Variants in PTPRO observed in about 807,000 individuals in gnomAD.
PTPRO encodes the protein protein tyrosine phosphatase receptor type O.
Under a neutral mutation model 145.2 loss-of-function variants are expected in PTPRO, and 62 were observed. The ratio of observed to expected loss-of-function variants is 0.43; its 90% CI spans 0.35 to 0.53. PTPRO has a LOEUF of 0.53. PTPRO is among the 20% of genes least tolerant of loss of function. PTPRO has a pLI of 0.01. For missense variants in PTPRO, 1,345 were observed against 1,482.7 expected (o/e 0.91, Z 1.53); for synonymous variants, 565 against 514.7 (o/e 1.10, Z -1.32).
chr12:15,376,930 T>A (rs1938706855), intron 1 of PTPRO, among the ~76,000 whole-genome samples: 1 of 152,310 alleles, frequency 6.6e-6, no homozygotes, highest in East Asian at 1.9e-4. Context: ...AGAAAAAGTT[T>A]AACTGTAATT....
chr12:15,510,241 T>C (rs893711333), intron 7 of PTPRO, among the ~76,000 whole-genome samples: 1 of 152,170 alleles, frequency 6.6e-6, no homozygotes, highest in Non-Finnish European at 1.5e-5. Flanking sequence ...TAGAAAGCCA[T>C]AGAATGCTTG....
Position 15,322,930 on chromosome 12 carries a change from G to C in PTPRO, c.75+129G>C. 3.5e-6 allele frequency: 3 copies of C among 859,028 alleles called. No individual in the cohort carries two copies. The highest frequency in any genetic ancestry group is 3.5e-5 in the South Asian group (2 of 56,624). The allele number at this position is 859,028 out of a possible 1,614,324, so 53.2% of individuals were successfully genotyped here. A position where few individuals can be genotyped will look rare whatever the true frequency, so the allele number is the denominator to read the frequency against. On this transcript the variant is annotated intron_variant, in intron 1 of 26. Transcript: ENST00000281171. The surrounding 1 kb of genome is among the most constrained non-coding windows in gnomAD (Gnocchi z 6.3). ...CCCAGCCGCGGGAAGCGCCTGCCGT[G>C]CAGCCTGGGCGCACGCTTTGTTGTC... is the stretch of plus-strand genomic sequence containing the variant.
intron 1 of PTPRO, among the ~76,000 whole-genome samples, chr12:15,324,603 T>G (rs919601897): frequency 6.6e-6 from 1 of 152,200 alleles, no homozygotes; most frequent in East Asian, 1.9e-4. Context: ...GCCATTTAAA[T>G]AATAATTATT....
At position 15,597,221 on chromosome 12, in the gene PTPRO, T is replaced by C. The variant is rs1329507541; in HGVS notation, c.*1148T>C. On this transcript the variant is annotated 3_prime_UTR_variant, in exon 27 of 27. Coordinates refer to ENST00000281171, the MANE Select transcript of PTPRO (RefSeq NM_030667.3). ...TTTTATTCTTTGGATTTTGTATAAT[T>C]ACAGTACATGATTGTGTATTGTGAC... 6.6e-6 allele frequency: 1 copy of C among 152,238 alleles called. No individual in the cohort carries two copies. Among genetic ancestry groups the C allele is most frequent in the Non-Finnish European group, 1.5e-5 (1 of 68,038 alleles). The allele number at this position is 152,238 out of a possible 1,614,324, so 9.4% of individuals were successfully genotyped here. A position where few individuals can be genotyped will look rare whatever the true frequency, so the allele number is the denominator to read the frequency against.
intron 8 of PTPRO, among the ~76,000 whole-genome samples, chr12:15,516,212 G>A (rs566372059): frequency 3.3e-5 from 5 of 149,592 alleles, no homozygotes; most frequent in East Asian, 2.0e-4. Flanking sequence ...GGATGGTCTC[G>A]ATCTGACCTC....
At chr12:15,371,734 T>C (rs1938537086) in intron 1 of PTPRO, among the ~76,000 whole-genome samples, 1 of 152,134 alleles carries the variant, frequency 6.6e-6, no homozygotes, top group South Asian at 2.1e-4. Context: ...ATAATCCCCA[T>C]GTGTTAAGAG....
chr12:15,562,817 C>T (rs908466838), intron 17 of PTPRO, among the ~76,000 whole-genome samples: 1 of 150,982 alleles, frequency 6.6e-6, no homozygotes, highest in African/African-American at 2.4e-5. Flanking sequence ...CAATCCTAGG[C>T]AGTTGGCATT....
intron 1 of PTPRO, among the ~76,000 whole-genome samples, chr12:15,386,396 A>G (rs2136280905): frequency 6.6e-6 from 1 of 152,340 alleles, no homozygotes; most frequent in East Asian, 1.9e-4. Flanking sequence ...TATTAAATGG[A>G]GCAGTTAACC....
chr12:15,332,440 T>C (rs1208263615), intron 1 of PTPRO, among the ~76,000 whole-genome samples: 1 of 152,214 alleles, frequency 6.6e-6, no homozygotes, highest in Non-Finnish European at 1.5e-5. Flanking sequence ...AATACGTAGA[T>C]ATCTTCCTTA....
intron 1 of PTPRO, among the ~76,000 whole-genome samples, chr12:15,356,919 G>T (rs117693143): frequency 6.6e-6 from 1 of 152,044 alleles, no homozygotes; most frequent in Admixed American, 6.5e-5. Flanking sequence ...GAGGCTTAAG[G>T]GGTCACGGTC....
At chr12:15,349,448 G>T (rs960992294) in intron 1 of PTPRO, among the ~76,000 whole-genome samples, 1 of 152,158 alleles carries the variant, frequency 6.6e-6, no homozygotes, top group African/African-American at 2.4e-5. Context: ...ATGGAAGAGG[G>T]GCAACACTGT....
Position 15,363,659 on chromosome 12 carries a change from C to T in PTPRO, c.75+40858C>T, listed in dbSNP as rs56148079. On this transcript the variant is annotated intron_variant, in intron 1 of 26. Coordinates refer to ENST00000281171, the MANE Select transcript of PTPRO (RefSeq NM_030667.3). Reference sequence around the variant, plus strand: ...AATATGAGTTGGTGGTTTCATCTAACTAAAAAAAAAAATAGAATGTGGCAC... The same window carrying T: ...AATATGAGTTGGTGGTTTCATCTAATTAAAAAAAAAAATAGAATGTGGCAC... Among the ~76,000 whole-genome samples, 521 of 88,468 alleles carry T rather than the reference C, an allele frequency of 5.9e-3. 3 individuals are homozygous for T. Among genetic ancestry groups the T allele is most frequent in the African/African-American group, 0.018 (491 of 26,882 alleles). 58.0% of individuals were successfully genotyped at this position (88,468 alleles called of 152,430 possible).
chr12:15,363,172 T>C (rs989143506), intron 1 of PTPRO, among the ~76,000 whole-genome samples: 11 of 152,166 alleles, frequency 7.2e-5, no homozygotes, highest in African/African-American at 2.4e-4. Flanking sequence ...AGTTTCTACA[T>C]AGAACAAGGT....
At chr12:15,362,041 GGAGGAGAA>G in intron 1 of PTPRO, among the ~76,000 whole-genome samples, 1 of 152,088 alleles carries the variant, frequency 6.6e-6, no homozygotes, top group African/African-American at 2.4e-5. Context: ...ATTTCTGTGT[GGAGGAGAA>G]TAAATTCTCC....
chr12:15,397,682 T>C (rs1591774594), intron 1 of PTPRO, among the ~76,000 whole-genome samples: 1 of 152,190 alleles, frequency 6.6e-6, no homozygotes, highest in Admixed American at 6.5e-5. Flanking sequence ...AACCAACCAT[T>C]ATTGAGCACC....
chr12:15,562,342 C>A (rs1270162263), intron 17 of PTPRO, among the ~76,000 whole-genome samples: 1 of 152,084 alleles, frequency 6.6e-6, no homozygotes, highest in Non-Finnish European at 1.5e-5. Flanking sequence ...TTTTAATCCT[C>A]CTAATGATGT....
At chr12:15,570,789 T>C (rs546026491) in intron 19 of PTPRO, among the ~76,000 whole-genome samples, 45 of 152,348 alleles carry the variant, frequency 3.0e-4, no homozygotes, top group African/African-American at 1.1e-3. Context: ...ATGGTATAGC[T>C]ACACTTTTAC....
At chr12:15,575,735 G>C (rs1239946544) in intron 19 of PTPRO, among the ~76,000 whole-genome samples, 1 of 152,182 alleles carries the variant, frequency 6.6e-6, no homozygotes, top group African/African-American at 2.4e-5. Flanking sequence ...CACAATTGCA[G>C]AGCCAGAATT....
At position 15,525,072 on chromosome 12, in the gene PTPRO, G is replaced by C. The variant is rs920121142; in HGVS notation, c.2043+107G>C. 2.2e-6 allele frequency: 3 copies of C among 1,360,984 alleles called. No homozygotes were observed. The African/African-American group carries it at 4.3e-5, about 20-fold the overall frequency. The allele number at this position is 1,360,984 out of a possible 1,614,324, so 84.3% of individuals were successfully genotyped here. A position where few individuals can be genotyped will look rare whatever the true frequency, so the allele number is the denominator to read the frequency against. On this transcript the variant is annotated intron_variant, in intron 11 of 26. Coordinates refer to ENST00000281171, the MANE Select transcript of PTPRO (RefSeq NM_030667.3). ...TGACACGTCAAATGTTTGCATACCA[G>C]TTGTCTGTTTTAGGCTCTGGAGATA... is the stretch of plus-strand genomic sequence containing the variant.
Sources: allele counts gnomAD v4.1 joint callset (sites outside exome capture counted in the v4.1 genomes callset), GRCh38; gene constraint gnomAD v4.1.1; non-coding constraint Gnocchi (gnomAD v3.1); transcripts MANE v1.5; gene names NCBI Gene and HGNC (gene_info 2026-07-23, HGNC 2026-07-21).